Variants in PDE11A observed in about 807,000 individuals in gnomAD.
PDE11A encodes dual 3',5'-cyclic-AMP and -GMP phosphodiesterase 11A.
A neutral mutation model predicts 100.5 loss-of-function variants in PDE11A; 100 were observed. The ratio of observed to expected loss-of-function variants is 1.00; its 90% CI spans 0.85 to 1.18. The LOEUF (loss-of-function observed/expected upper bound fraction) is 1.18. Ranked by LOEUF, PDE11A falls within the 50% of genes most tolerant of loss-of-function variation. The pLI is 0.00. For missense variants in PDE11A, 1,141 were observed against 1,152.6 expected (o/e 0.99, Z 0.15); for synonymous variants, 381 against 420.8 (o/e 0.91, Z 1.16).
chr2:177,952,196 C>T (rs543097682), intron 2 of PDE11A, among the ~76,000 whole-genome samples: 2 of 152,290 alleles, frequency 1.3e-5, no homozygotes, highest in South Asian at 4.1e-4. Flanking sequence ...GGCCATTCTT[C>T]CACTTTCCAC....
intron 10 of PDE11A, among the ~76,000 whole-genome samples, chr2:177,743,165 T>C (rs887450564): frequency 6.6e-6 from 1 of 152,252 alleles, no homozygotes; most frequent in African/African-American, 2.4e-5. Context: ...CAAAGCTTAA[T>C]ACAGATGCTG....
At chr2:177,968,012 TA>T (rs1463480755) in intron 2 of PDE11A, among the ~76,000 whole-genome samples, 2 of 152,198 alleles carry the variant, frequency 1.3e-5, no homozygotes, top group East Asian at 3.8e-4. Flanking sequence ...ACACAGATAA[TA>T]AATGGTAATT....
chr2:177,643,254 G>A (rs958591777), intron 19 of PDE11A, among the ~76,000 whole-genome samples: 2 of 152,248 alleles, frequency 1.3e-5, no homozygotes, highest in Non-Finnish European at 2.9e-5. Context: ...ATGTGGGAAA[G>A]TTTGGAACTC....
rs549320155 is a variant in PDE11A at position 178,008,367 on chromosome 2, T to C, written c.1071+5935A>G. ...TTAGTTGTTTGAGGGTTGGCTATTATAGTAGTACTACAGCTTGCAGCCATG... is the reference window on the plus strand; with the variant it reads ...TTAGTTGTTTGAGGGTTGGCTATTACAGTAGTACTACAGCTTGCAGCCATG... On this transcript the variant is annotated intron_variant, in intron 2 of 19. Coordinates refer to ENST00000286063, the MANE Select transcript of PDE11A (RefSeq NM_016953.4). Among the ~76,000 whole-genome samples, 195 of 152,338 alleles carry C rather than the reference T, an allele frequency of 1.3e-3. 1 individual carries two copies. The highest frequency in any genetic ancestry group is 4.5e-3 in the African/African-American group (186 of 41,576).
intron 9 of PDE11A, among the ~76,000 whole-genome samples, chr2:177,776,819 GGTTTGGCT>G (rs2082383856): frequency 6.6e-6 from 1 of 152,094 alleles, no homozygotes; most frequent in Non-Finnish European, 1.5e-5. Context: ...ATCCTGACAT[GGTTTGGCT>G]GTGTCCCCAA....
intron 10 of PDE11A, among the ~76,000 whole-genome samples, chr2:177,741,874 GA>G (rs573774381): frequency 6.6e-6 from 1 of 151,822 alleles, no homozygotes; most frequent in African/African-American, 2.4e-5. Flanking sequence ...TATCTGTACA[GA>G]AAAAAAATTA....
rs533515934 is a variant in PDE11A, at chr2:178,008,811, G to A, written c.1071+5491C>T. 3.2e-4 allele frequency among the ~76,000 whole-genome samples: 49 copies of A among 152,242 alleles called. No individual in the cohort carries two copies. In the South Asian group the frequency reaches 1.0e-2, roughly 31 times the overall value. ...CCAGCCCCTCAGCAACCAAGCTCAAGTTGGCTGCATCCCAGCTTTATGGGG... is the reference window on the plus strand; with the variant it reads ...CCAGCCCCTCAGCAACCAAGCTCAAATTGGCTGCATCCCAGCTTTATGGGG... On this transcript the variant is annotated intron_variant, in intron 2 of 19. Transcript: ENST00000286063.
At chr2:177,921,836 G>C (rs1227416588) in intron 2 of PDE11A, 1 of 152,172 alleles carries the variant, frequency 6.6e-6, no homozygotes, top group Non-Finnish European at 1.5e-5. Context: ...TTCCACAAAA[G>C]GGATTGGGAA....
At chr2:177,669,053 C>T (rs1202252691) in intron 18 of PDE11A, among the ~76,000 whole-genome samples, 1 of 152,140 alleles carries the variant, frequency 6.6e-6, no homozygotes, top group Non-Finnish European at 1.5e-5. Context: ...TTTCATTTTA[C>T]AGACAAAAGA....
At chr2:177,873,838 T>C (rs987446554) in intron 5 of PDE11A, among the ~76,000 whole-genome samples, 5 of 152,250 alleles carry the variant, frequency 3.3e-5, no homozygotes, top group Non-Finnish European at 5.9e-5. Context: ...TTTTACTTAC[T>C]GGTTTCTATT....
intron 2 of PDE11A, among the ~76,000 whole-genome samples, chr2:177,929,981 G>A (rs549846081): frequency 1.3e-5 from 2 of 152,208 alleles, no homozygotes; most frequent in African/African-American, 4.8e-5. Flanking sequence ...TAACGGCAAT[G>A]AATCACCATT....
chr2:177,981,306 G>A (rs2695745), intron 2 of PDE11A, among the ~76,000 whole-genome samples: 148,403 of 150,314 alleles, frequency 0.99, 73,300 homozygotes, highest in Middle Eastern at 1. Context: ...GGCTTAGAAC[G>A]ACTGAAATGT....
chr2:177,736,108 T>C (rs1034077259), intron 10 of PDE11A, among the ~76,000 whole-genome samples: 4 of 152,102 alleles, frequency 2.6e-5, no homozygotes, highest in Non-Finnish European at 5.9e-5. Context: ...TGTTTTCGGT[T>C]GAGTGGGGTT....
chr2:177,752,146 C>T (rs13427906), intron 10 of PDE11A, among the ~76,000 whole-genome samples: 12,731 of 152,100 alleles, frequency 0.084, 1,744 homozygotes, highest in African/African-American at 0.28. Context: ...CGGCCTGCAT[C>T]GTGACTCTCA....
rs151247206 is a variant in PDE11A at position 177,796,555 on chromosome 2, T to C, written c.1737+20274A>G. On this transcript the variant is annotated intron_variant, in intron 9 of 19. Coordinates refer to ENST00000286063, the MANE Select transcript of PDE11A (RefSeq NM_016953.4). Reference sequence around the variant, plus strand: ...AGGGGGATCTAGGGGGAAGGGGAGGTGAGTAACTCCAATGTCTTCTAAACG... The same window carrying C: ...AGGGGGATCTAGGGGGAAGGGGAGGCGAGTAACTCCAATGTCTTCTAAACG... 1.6e-3 allele frequency among the ~76,000 whole-genome samples: 237 copies of C among 151,860 alleles called. 3 individuals are homozygous for C. Among genetic ancestry groups the C allele is most frequent in the African/African-American group, 5.5e-3 (229 of 41,402 alleles).
chr2:177,660,095 CTT>C (rs746645436), intron 19 of PDE11A, among the ~76,000 whole-genome samples: 3,731 of 40,054 alleles, frequency 0.093, 127 homozygotes, highest in African/African-American at 0.1. Context: ...TTCTTTCTTT[CTT>C]TCTCTCTCTC....
At chr2:177,906,464 T>C (rs1281993022) in intron 2 of PDE11A, among the ~76,000 whole-genome samples, 2 of 152,258 alleles carry the variant, frequency 1.3e-5, no homozygotes, top group Non-Finnish European at 1.5e-5. Flanking sequence ...TTAAAATCTT[T>C]CCTTGGTTAC....
At chr2:177,698,866 C>T (rs1030213036) in intron 14 of PDE11A, among the ~76,000 whole-genome samples, 3 of 152,130 alleles carry the variant, frequency 2.0e-5, no homozygotes, top group African/African-American at 7.2e-5. Flanking sequence ...TGATCAATCA[C>T]AGGCAGGTGT....
At chr2:177,897,451 A>G (rs918832293) in intron 4 of PDE11A, among the ~76,000 whole-genome samples, 5 of 152,174 alleles carry the variant, frequency 3.3e-5, no homozygotes, top group Admixed American at 6.5e-5. Flanking sequence ...TTCACCTGGT[A>G]AGGCTACTTT....
Sources: gnomAD v4.1 joint callset for allele counts (sites outside exome capture counted in the v4.1 genomes callset) on GRCh38, gnomAD v4.1.1 for gene constraint, MANE v1.5 for transcripts, NCBI Gene and HGNC (gene_info 2026-07-23, HGNC 2026-07-21) for gene names.